Variants in CDX2 observed in about 807,000 individuals in gnomAD.
The protein encoded by CDX2 is homeobox protein CDX-2.
Under a neutral mutation model 25.5 loss-of-function variants are expected in CDX2, and 7 were observed. The observed-to-expected ratio is 0.27, with a 90% CI of 0.16 to 0.52. The LOEUF is 0.52. Ranked by LOEUF, CDX2 falls within the 20% of genes least tolerant of loss-of-function variation. The pLI is 0.97. For missense variants in CDX2, 375 were observed against 431.4 expected (o/e 0.87, Z 1.16); for synonymous variants, 222 against 198.6 (o/e 1.12, Z -0.99).
intron 1 of CDX2, 102 bp from the exon 2 acceptor site, chr13:27,965,117 C>A: frequency 7.7e-7 from 1 of 1,296,746 alleles, no homozygotes; most frequent in Admixed American, 2.2e-5. Flanking sequence ...CTTCCTCCAC[C>A]ACCCTGGGGG....
chr13:27,969,052 C>A lies in CDX2; in HGVS notation c.-46G>T. 2 of 1,489,204 alleles carry A rather than the reference C, an allele frequency of 1.3e-6. No homozygotes were observed. The highest frequency in any genetic ancestry group is 2.3e-5 in the South Asian group (2 of 85,568). 92.2% of individuals were successfully genotyped at this position (1,489,204 alleles called of 1,614,324 possible). A position where few individuals can be genotyped will look rare whatever the true frequency, so the allele number is the denominator to read the frequency against. On this transcript the variant is annotated 5_prime_UTR_variant, in exon 1 of 3. Coordinates refer to ENST00000381020, the MANE Select transcript of CDX2 (RefSeq NM_001265.6). ...AGACCTCACCATGCTGCCTGGGGAC[C>A]GACGCTGGAGGCTGCCGGGGGGCAC...
At chr13:27,968,097 G>A (rs543645164) in intron 1 of CDX2, among the ~76,000 whole-genome samples, 1 of 152,208 alleles carries the variant, frequency 6.6e-6, no homozygotes, top group Non-Finnish European at 1.5e-5. Flanking sequence ...GCGGCCAGGA[G>A]CCACGCAAGG....
chr13:27,968,647 ATGCGGGTGGTGG>A lies in CDX2; in HGVS notation c.348_359del (p.His122_His125del), dbSNP rs750105841. On this transcript the variant is annotated inframe_deletion, in exon 1 of 3. Coordinates refer to ENST00000381020, the MANE Select transcript of CDX2 (RefSeq NM_001265.6). ...CGGCGGCCGGGTGGTGCGGGTGGTGATGCGGGTGGTGGTGCGGATGGTAGTCTGCGGGGCTGC... is the reference window on the plus strand; with the variant it reads ...CGGCGGCCGGGTGGTGCGGGTGGTGATGCGGATGGTAGTCTGCGGGGCTGC... 5 of 1,535,236 alleles carry A rather than the reference ATGCGGGTGGTGG, an allele frequency of 3.3e-6. No homozygotes were observed. Among genetic ancestry groups the A allele is most frequent in the African/African-American group, 1.4e-5 (1 of 71,564 alleles).
Position 27,963,113 on chromosome 13 carries a change from G to T in CDX2, c.*2C>A. ...TGCTCTGCCGCTGCAGAACCCGGTG[G>T]GTCACTGGGTGACGGTGGGGTTTAG... On this transcript the variant is annotated 3_prime_UTR_variant, in exon 3 of 3. Transcript: ENST00000381020. 1 of 1,607,816 alleles carries T rather than the reference G, an allele frequency of 6.2e-7. No individual in the cohort carries two copies. Among genetic ancestry groups the T allele is most frequent in the Admixed American group, 1.7e-5 (1 of 59,502 alleles).
In CDX2 at chr13:27,968,723, C is replaced by G; in HGVS notation, c.284G>C (p.Gly95Ala). The change falls in exon 1 of 3, where the codon GGC becomes GCC. Residue 95 changes from glycine to alanine, a missense_variant. Around this residue, in one of 3 missense-constraint regions of CDX2, gnomAD observed 253 missense variants for 247.5 expected, o/e 1.02. Transcript: ENST00000381020. ...AAAAANAVAH[G>A]LNGGSPAAAM... ...TGCGGCCGGGGAGCCACCGTTGAGG[C>G]CGTGAGCCACGGCGTTGGCGGCGGC... 1 of 1,523,696 alleles carries G rather than the reference C, an allele frequency of 6.6e-7. No homozygotes were observed. Among genetic ancestry groups the G allele is most frequent in the East Asian group, 2.5e-5 (1 of 39,742 alleles). 94.4% of individuals were successfully genotyped at this position (1,523,696 alleles called of 1,614,324 possible).
intron 1 of CDX2, among the ~76,000 whole-genome samples, chr13:27,967,792 CT>C (rs1459066148): frequency 6.6e-6 from 1 of 152,202 alleles, no homozygotes; most frequent in Non-Finnish European, 1.5e-5. Flanking sequence ...AGCCTTCCAG[CT>C]TTTGCTTGAA....
chr13:27,963,435 C>T, intron 2 of CDX2, 66 bp from the exon 3 acceptor site: 1 of 1,278,702 alleles, frequency 7.8e-7, no homozygotes. Context: ...GGAACAGTAC[C>T]CAGCAGTATC....
chr13:27,963,582 G>C (rs1869177637), intron 2 of CDX2, among the ~76,000 whole-genome samples: 1 of 152,122 alleles, frequency 6.6e-6, no homozygotes, highest in Non-Finnish European at 1.5e-5. Context: ...CTCCTTCCTT[G>C]CTCCCTGAGT....
rs762233549 is a variant in CDX2, at chr13:27,963,290, T to C, written c.767A>G (p.Gln256Arg). The part of the protein sequence containing the change: ...KKKLQQQQQQ[Q>R]PPQPPPPPPQ... ...TGGCGGCGGAGGCGGCTGTGGTGGC[T>C]GCTGCTGCTGTTGCTGCTGCAACTT... The change falls in exon 3 of 3, where the codon CAG (glutamine) becomes CGG (arginine). Residue 256 changes from glutamine (Q) to arginine (R), a missense_variant. Gln to Arg is a conservative substitution (Grantham distance 43, BLOSUM62 1). This residue lies in a region of CDX2 where 64 missense variants were observed against 124.6 expected (regional missense o/e 0.51). Transcript: ENST00000381020. The C allele has an allele frequency of 4.3e-6, 7 of 1,611,096 alleles. No individual in the cohort carries two copies. The East Asian group carries it at 1.6e-4, about 36-fold the overall frequency.
Position 27,963,352 on chromosome 13 carries a change from C to T in CDX2, c.705G>A (p.Gln235=). 1 of 1,594,436 alleles carries T rather than the reference C, an allele frequency of 6.3e-7. No individual in the cohort carries two copies. The highest frequency in any genetic ancestry group is 8.6e-7 in the Non-Finnish European group (1 of 1,168,364). Reference sequence around the variant, plus strand: ...TTTTCCTCTCCTTTGCTCTGCGGTTCTGAAACCAGATTTTAACCTAGAAAT... The same window carrying T: ...TTTTCCTCTCCTTTGCTCTGCGGTTTTGAAACCAGATTTTAACCTAGAAAT... The part of the protein sequence containing the change: ...LSERQVKIWF[Q]NRRAKERKIN... The change falls in exon 3 of 3, where the codon CAG becomes CAA. Residue 235 remains glutamine, a synonymous_variant. Coordinates refer to ENST00000381020, the MANE Select transcript of CDX2 (RefSeq NM_001265.6).
chr13:27,968,139 G>A (rs1335696428), intron 1 of CDX2, among the ~76,000 whole-genome samples: 1 of 152,374 alleles, frequency 6.6e-6, no homozygotes, highest in Non-Finnish European at 1.5e-5. Context: ...CGGAGGACGC[G>A]ATTCTGCCGG....
chr13:27,968,836 G>C lies in CDX2; in HGVS notation c.171C>G (p.Ser57Arg). The change falls in exon 1 of 3, where the codon AGC becomes AGG. Residue 57 changes from serine to arginine, a missense_variant. Transcript: ENST00000381020. ...GCCAGGATGGCCCCGGGGACTGCGCGCTGTCCAAGTTCGCTGCCGCTGCAG... is the reference window on the plus strand; with the variant it reads ...GCCAGGATGGCCCCGGGGACTGCGCCCTGTCCAAGTTCGCTGCCGCTGCAG... Reference protein sequence around the residue: ...AAAAAAANLDSAQSPGPSWPA... With the variant: ...AAAAAAANLDRAQSPGPSWPA... The C allele has an allele frequency of 6.3e-7, 1 of 1,577,822 alleles. No individual in the cohort carries two copies. Among genetic ancestry groups the C allele is most frequent in the South Asian group, 1.1e-5 (1 of 87,128 alleles).
chr13:27,962,757 A>C lies in CDX2; in HGVS notation c.*358T>G. ...TCCCTCTCTCCCCTCGGCTCTAGCC[A>C]GAGGTGCAGCCTGCAGATCTAGGAA... is the stretch of plus-strand genomic sequence containing the variant. On this transcript the variant is annotated 3_prime_UTR_variant, in exon 3 of 3. Transcript: ENST00000381020. 1.2e-5 allele frequency: 3 copies of C among 257,552 alleles called. No individual in the cohort carries two copies. Among genetic ancestry groups the C allele is most frequent in the African/African-American group, 2.2e-5 (1 of 46,338 alleles). The allele number at this position is 257,552 out of a possible 1,614,324, so 16.0% of individuals were successfully genotyped here.
At position 27,961,326 on chromosome 13, in the gene CDX2, G is replaced by A. The variant is rs1054378401; in HGVS notation, c.*1789C>T. Among the ~76,000 whole-genome samples the A allele has an allele frequency of 1.3e-5, 2 of 152,234 alleles. No homozygotes were observed. Among genetic ancestry groups the A allele is most frequent in the Admixed American group, 1.3e-4 (2 of 15,290 alleles). On this transcript the variant is annotated 3_prime_UTR_variant, in exon 3 of 3. Transcript: ENST00000381020. ...CCCCAACTGCCCTTAAGGCGCCTCC[G>A]TGGGCGCGCTGATTAGGCTCTCGGA...
In CDX2 at chr13:27,962,259, TC is replaced by T. The variant is rs1250812751; in HGVS notation, c.*855del. 4.3e-6 allele frequency: 1 copy of T among 232,302 alleles called. No homozygotes were observed. The highest frequency in any genetic ancestry group is 8.5e-6 in the Non-Finnish European group (1 of 117,508). 14.4% of individuals were successfully genotyped at this position (232,302 alleles called of 1,614,324 possible). A position where few individuals can be genotyped will look rare whatever the true frequency, so the allele number is the denominator to read the frequency against. On this transcript the variant is annotated 3_prime_UTR_variant, in exon 3 of 3. Transcript: ENST00000381020. The stretch of plus-strand genomic sequence containing the variant: ...CATGGATCCAGAAGGCTTTAAAAAC[TC>T]TGGCTTGGATGTTACACAGACCAAC...
chr13:27,964,774 T>C lies in CDX2; in HGVS notation c.687+96A>G. The stretch of plus-strand genomic sequence containing the variant: ...GCTTGCATCCTCCTGCTTCAGTCTC[T>C]CCACAGATTTAGATGGCCCCTGCAG... On this transcript the variant is annotated intron_variant, in intron 2 of 2. Coordinates refer to ENST00000381020, the MANE Select transcript of CDX2 (RefSeq NM_001265.6). The surrounding 1 kb of genome is among the most constrained non-coding windows in gnomAD (Gnocchi z 4.7). The C allele has an allele frequency of 1.1e-6, 1 of 911,186 alleles. No individual in the cohort carries two copies. Among genetic ancestry groups the C allele is most frequent in the Non-Finnish European group, 1.7e-6 (1 of 594,450 alleles). 56.4% of individuals were successfully genotyped at this position (911,186 alleles called of 1,614,324 possible).
chr13:27,961,406 G>A lies in CDX2; in HGVS notation c.*1709C>T, dbSNP rs149396092. Among the ~76,000 whole-genome samples, 3 of 152,350 alleles carry A rather than the reference G, an allele frequency of 2.0e-5. No homozygotes were observed. The highest frequency in any genetic ancestry group is 7.2e-5 in the African/African-American group (3 of 41,586). On this transcript the variant is annotated 3_prime_UTR_variant, in exon 3 of 3. Transcript: ENST00000381020. ...AAGCCCCCCTCGCCCGGGTCCTGCC[G>A]GAAAGTTCAGCTCGGCGGCCTCCAG...
At chr13:27,967,625 A>G (rs1869398728) in intron 1 of CDX2, among the ~76,000 whole-genome samples, 1 of 152,158 alleles carries the variant, frequency 6.6e-6, no homozygotes, top group Admixed American at 6.5e-5. Context: ...GATCTTTTTC[A>G]GTTGCACACA....
chr13:27,966,233 C>T (rs1409801396), intron 1 of CDX2, among the ~76,000 whole-genome samples: 10 of 152,250 alleles, frequency 6.6e-5, no homozygotes, highest in Admixed American at 3.9e-4. Flanking sequence ...CCCCGGCTTT[C>T]ATCCCCCTCC....
Sources: gnomAD v4.1 joint callset for allele counts (sites outside exome capture counted in the v4.1 genomes callset) on GRCh38, gnomAD v4.1.1 for gene constraint, gnomAD v4.1.1 regional missense constraint, Gnocchi (gnomAD v3.1) non-coding constraint, MANE v1.5 for transcripts, NCBI Gene and HGNC (gene_info 2026-07-23, HGNC 2026-07-21) for gene names.